The following PRR5L variants were observed in gnomAD, a reference collection of about 807,000 sequenced individuals.
The protein encoded by PRR5L is proline-rich protein 5-like.
A neutral mutation model predicts 36.4 loss-of-function variants in PRR5L; 21 were observed. That is an observed-to-expected ratio of 0.58 (90% confidence interval 0.41 to 0.83). The LOEUF (loss-of-function observed/expected upper bound fraction) is 0.83, where lower values mean the gene tolerates loss of function less well. PRR5L is among the 40% of genes least tolerant of loss of function. The pLI, the probability that PRR5L is intolerant of heterozygous loss-of-function variation, is 0.00. For synonymous variants in PRR5L, 188 were observed against 197.0 expected (o/e 0.95, Z 0.38); for missense variants, 381 against 473.3 (o/e 0.80, Z 1.81).
At chr11:36,416,128 A>C (rs1440449826) in intron 3 of PRR5L, among the ~76,000 whole-genome samples, 2 of 152,056 alleles carry the variant, frequency 1.3e-5, no homozygotes, top group African/African-American at 4.8e-5. Context: ...TTTTATTAGC[A>C]CTTTATTGGT....
rs190165568 is a variant in PRR5L, at chr11:36,351,491, T to G, written c.-125-49506T>G. ...TATATATACATATATATTTATATAT[T>G]TATATATATTTTTATATATTTATAT... On this transcript the variant is annotated intron_variant, in intron 1 of 8. Coordinates refer to ENST00000530639, the MANE Select transcript of PRR5L (RefSeq NM_001160167.2). 4.3e-4 allele frequency among the ~76,000 whole-genome samples: 13 copies of G among 30,554 alleles called. 1 individual carries two copies. The highest frequency in any genetic ancestry group is 1.7e-3 in the South Asian group (1 of 574). The allele number at this position is 30,554 out of a possible 152,430, so 20.0% of individuals were successfully genotyped here.
chr11:36,303,038 C>T (rs1327403065), intron 1 of PRR5L, among the ~76,000 whole-genome samples: 1 of 152,156 alleles, frequency 6.6e-6, no homozygotes, highest in African/African-American at 2.4e-5. Context: ...ATCCTGGCTC[C>T]AGAGCCCACG....
At chr11:36,314,181 A>G (rs1226198441) in intron 1 of PRR5L, among the ~76,000 whole-genome samples, 2 of 152,198 alleles carry the variant, frequency 1.3e-5, no homozygotes, top group African/African-American at 4.8e-5. Flanking sequence ...GGTACTAAAG[A>G]GGACCTAATT....
At chr11:36,299,189 C>T (rs1357610617) in intron 1 of PRR5L, among the ~76,000 whole-genome samples, 1 of 130,172 alleles carries the variant, frequency 7.7e-6, no homozygotes, top group Non-Finnish European at 1.8e-5. Context: ...ATGGAAAATG[C>T]TCGTTTCATT....
chr11:36,406,539 A>G (rs1857916092), intron 3 of PRR5L, among the ~76,000 whole-genome samples: 1 of 152,218 alleles, frequency 6.6e-6, no homozygotes, highest in South Asian at 2.1e-4. Context: ...TAGCCCTCCC[A>G]CATCAGCAAG....
chr11:36,383,210 G>A (rs1392772839), intron 1 of PRR5L, among the ~76,000 whole-genome samples: 1 of 152,214 alleles, frequency 6.6e-6, no homozygotes, highest in Non-Finnish European at 1.5e-5. Context: ...GATGTTAGTG[G>A]CAAATGTTAT....
chr11:36,438,702 G>A (rs1858656536), intron 6 of PRR5L, among the ~76,000 whole-genome samples: 1 of 152,134 alleles, frequency 6.6e-6, no homozygotes, highest in Admixed American at 6.5e-5. Flanking sequence ...CACTTTGGGA[G>A]GCTGAGGTGG....
chr11:36,308,275 T>C (rs1856455869), intron 1 of PRR5L, among the ~76,000 whole-genome samples: 1 of 152,250 alleles, frequency 6.6e-6, no homozygotes, highest in African/African-American at 2.4e-5. Flanking sequence ...CTTCCATTGC[T>C]AGAAATTGAT....
At chr11:36,297,242 G>A (rs893775063) in intron 1 of PRR5L, 3 of 152,188 alleles carry the variant, frequency 2.0e-5, no homozygotes, top group African/African-American at 7.2e-5. Context: ...GAGTTATTCT[G>A]CTTCTCTAGG....
In PRR5L at chr11:36,462,800, G is replaced by A. The variant is rs577461303; in HGVS notation, c.*64G>A. On this transcript the variant is annotated 3_prime_UTR_variant, in exon 9 of 9. Coordinates refer to ENST00000530639, the MANE Select transcript of PRR5L (RefSeq NM_001160167.2). ...CCAGGATGAGGACCCCTCCATCTCC[G>A]TGGATTACTGAGGGGGGCTCTTGCT... is the stretch of plus-strand genomic sequence containing the variant. 2.7e-5 allele frequency: 38 copies of A among 1,420,994 alleles called. No individual in the cohort carries two copies. In the Admixed American group the frequency reaches 3.7e-4, roughly 14 times the overall value. The allele number at this position is 1,420,994 out of a possible 1,614,324, so 88.0% of individuals were successfully genotyped here.
intron 1 of PRR5L, among the ~76,000 whole-genome samples, chr11:36,341,046 CA>C (rs1314707829): frequency 6.6e-6 from 1 of 152,170 alleles, no homozygotes; most frequent in Non-Finnish European, 1.5e-5. Context: ...ATCTCCATCC[CA>C]GATTCTCTCC....
intron 8 of PRR5L, among the ~76,000 whole-genome samples, chr11:36,457,825 G>C (rs920020378): frequency 3.3e-5 from 5 of 152,098 alleles, no homozygotes; most frequent in African/African-American, 1.2e-4. Context: ...TAGGGTTCAG[G>C]TCCCCACATG....
Position 36,344,322 on chromosome 11 carries a change from A to G in PRR5L, c.-126+47884A>G, listed in dbSNP as rs1856845056. Among the ~76,000 whole-genome samples, 1 of 152,218 alleles carries G rather than the reference A, an allele frequency of 6.6e-6. No homozygotes were observed. The highest frequency in any genetic ancestry group is 1.5e-5 in the Non-Finnish European group (1 of 68,044). ...AGAAAATCATGTTAAGTCTTGGTGT[A>G]TTACTTCCAGACCTATTTCCATGCA... is the stretch of plus-strand genomic sequence containing the variant. On this transcript the variant is annotated intron_variant, in intron 1 of 8. Coordinates refer to ENST00000530639, the MANE Select transcript of PRR5L (RefSeq NM_001160167.2). The surrounding 1 kb of genome is among the most constrained non-coding windows in gnomAD (Gnocchi z 4.1).
intron 1 of PRR5L, among the ~76,000 whole-genome samples, chr11:36,316,172 G>T (rs1256035409): frequency 1.3e-5 from 2 of 152,204 alleles, no homozygotes; most frequent in East Asian, 1.9e-4. Flanking sequence ...CTGTGTTGCA[G>T]TTACTCAACA....
chr11:36,347,129 T>C (rs1856875688), intron 1 of PRR5L, among the ~76,000 whole-genome samples: 1 of 152,186 alleles, frequency 6.6e-6, no homozygotes, highest in African/African-American at 2.4e-5. Context: ...CTGGTTACCT[T>C]GGGGAGAAAA....
In PRR5L at chr11:36,414,480, T is replaced by C. The variant is rs560402886; in HGVS notation, c.246-4775T>C. Among the ~76,000 whole-genome samples the C allele has an allele frequency of 8.8e-5, 13 of 148,462 alleles. 2 individuals carry two copies. In the South Asian group the frequency reaches 2.9e-3, roughly 33 times the overall value. On this transcript the variant is annotated intron_variant, in intron 3 of 8. Coordinates refer to ENST00000530639, the MANE Select transcript of PRR5L (RefSeq NM_001160167.2). ...TGATGGCCAGTGATGCTGAGCATTT[T>C]TTCATGTTTTTTGGCTGCATAAATG...
intron 1 of PRR5L, among the ~76,000 whole-genome samples, chr11:36,299,467 G>A (rs1460237134): frequency 6.6e-6 from 1 of 152,192 alleles, no homozygotes; most frequent in Non-Finnish European, 1.5e-5. Flanking sequence ...AAGATGGTCA[G>A]TTAAGAGGGA....
intron 1 of PRR5L, among the ~76,000 whole-genome samples, chr11:36,312,276 C>T (rs1856511482): frequency 6.6e-6 from 1 of 152,120 alleles, no homozygotes; most frequent in African/African-American, 2.4e-5. Context: ...GATCATGAGT[C>T]ATCAGAGTGT....
chr11:36,436,495 G>T (rs1858608505), intron 5 of PRR5L, among the ~76,000 whole-genome samples: 1 of 152,196 alleles, frequency 6.6e-6, no homozygotes, highest in African/African-American at 2.4e-5. Context: ...GATCCTCAAA[G>T]TGAGTAGGGA....
Sources: gnomAD v4.1 joint callset for allele counts (sites outside exome capture counted in the v4.1 genomes callset) on GRCh38, gnomAD v4.1.1 for gene constraint, Gnocchi (gnomAD v3.1) non-coding constraint, MANE v1.5 for transcripts, NCBI Gene and HGNC (gene_info 2026-07-23, HGNC 2026-07-21) for gene names.